Variants in ADGRL3 observed in about 807,000 individuals in gnomAD.
The protein encoded by ADGRL3 is calcium-independent alpha-latrotoxin receptor 3.
A neutral mutation model predicts 153.5 loss-of-function variants in ADGRL3; 62 were observed. The observed-to-expected ratio is 0.40, with a 90% confidence interval of 0.33 to 0.50. The LOEUF is 0.50. Ranked by LOEUF, ADGRL3 falls within the 20% of genes least tolerant of loss-of-function variation. The probability of loss-of-function intolerance (pLI) is 0.47; values close to 1 mark genes in which losing one functional copy is unlikely to be tolerated. For missense variants in ADGRL3, 1,641 were observed against 1,859.4 expected (o/e 0.88, Z 2.16); for synonymous variants, 710 against 672.5 (o/e 1.06, Z -0.86).
intron 4 of ADGRL3, among the ~76,000 whole-genome samples, chr4:61,565,018 A>G (rs1414210326): frequency 6.6e-6 from 1 of 152,230 alleles, no homozygotes; most frequent in Non-Finnish European, 1.5e-5. Flanking sequence ...AGATGTGATA[A>G]TAATGAAAAA....
intron 1 of ADGRL3, among the ~76,000 whole-genome samples, chr4:61,353,788 T>C (rs1259845200): frequency 7.7e-6 from 1 of 130,038 alleles, no homozygotes; most frequent in African/African-American, 2.9e-5. Context: ...CACCCCGAAA[T>C]AGATGAACCA....
At chr4:61,499,999 CACACACACACACACAT>C (rs1265249526) in intron 3 of ADGRL3, among the ~76,000 whole-genome samples, 3 of 139,256 alleles carry the variant, frequency 2.2e-5, no homozygotes, top group African/African-American at 5.4e-5. Context: ...CACACACACA[CACACACACACACACAT>C]ACACACACAG....
chr4:61,568,185 C>T (rs1194529190), intron 4 of ADGRL3, among the ~76,000 whole-genome samples: 3 of 152,068 alleles, frequency 2.0e-5, no homozygotes, highest in African/African-American at 7.2e-5. Flanking sequence ...TATCTCCTTT[C>T]ATTTTTAATC....
intron 1 of ADGRL3, among the ~76,000 whole-genome samples, chr4:61,340,359 T>C (rs1260805468): frequency 6.6e-6 from 1 of 152,142 alleles, no homozygotes; most frequent in Non-Finnish European, 1.5e-5. Flanking sequence ...TTCTCTATTA[T>C]AGCAATTCAA....
chr4:61,760,950 G>T (rs942151193), intron 8 of ADGRL3, among the ~76,000 whole-genome samples: 2 of 152,214 alleles, frequency 1.3e-5, no homozygotes, highest in African/African-American at 4.8e-5. Context: ...GGACGACTTG[G>T]TGGGGGGAAG....
chr4:61,409,962 G>A (rs999984611), intron 2 of ADGRL3, among the ~76,000 whole-genome samples: 1 of 151,944 alleles, frequency 6.6e-6, no homozygotes, highest in South Asian at 2.1e-4. Flanking sequence ...ATATGTGGAT[G>A]CGTATACTAG....
At chr4:61,364,325 C>T (rs2096352072) in intron 1 of ADGRL3, among the ~76,000 whole-genome samples, 1 of 89,744 alleles carries the variant, frequency 1.1e-5, no homozygotes, top group South Asian at 3.8e-4. Flanking sequence ...GAGTGAGACT[C>T]CGTCTCAAAA....
intron 1 of ADGRL3, among the ~76,000 whole-genome samples, chr4:61,368,515 G>T (rs1159605086): frequency 6.6e-6 from 1 of 151,932 alleles, no homozygotes; most frequent in Non-Finnish European, 1.5e-5. Context: ...TTTTTCTCAG[G>T]TTTGTCAAAG....
rs78280646 is a variant in ADGRL3, at chr4:61,521,735, T to C, written c.259+4217T>C. ...GTATCTGGCTTGAGAGATTGCATTATAAATGAGTGTACCATTTACTGAGAT... is the reference window on the plus strand; with the variant it reads ...GTATCTGGCTTGAGAGATTGCATTACAAATGAGTGTACCATTTACTGAGAT... On this transcript the variant is annotated intron_variant, in intron 4 of 26. Transcript: ENST00000683033. Among the ~76,000 whole-genome samples, 675 of 152,170 alleles carry C rather than the reference T, an allele frequency of 4.4e-3. 7 individuals are homozygous for C. The highest frequency in any genetic ancestry group is 0.015 in the African/African-American group (643 of 41,516).
intron 2 of ADGRL3, among the ~76,000 whole-genome samples, chr4:61,460,206 T>G (rs182172587): frequency 2.6e-5 from 4 of 152,276 alleles, no homozygotes; most frequent in Admixed American, 6.5e-5. Flanking sequence ...TTTTATAGTT[T>G]TGGATCTTAC....
intron 5 of ADGRL3, among the ~76,000 whole-genome samples, chr4:61,659,657 G>T (rs1478697089): frequency 1.3e-5 from 2 of 152,134 alleles, no homozygotes; most frequent in Non-Finnish European, 2.9e-5. Flanking sequence ...AGAGAAGTTA[G>T]TTCTTTTCCC....
chr4:61,243,204 A>G (rs1487448077), intron 1 of ADGRL3, among the ~76,000 whole-genome samples: 1 of 152,056 alleles, frequency 6.6e-6, no homozygotes, highest in Non-Finnish European at 1.5e-5. Flanking sequence ...TGGGAAGTAA[A>G]CAAAACCATC....
At chr4:61,747,476 A>G (rs62306767) in intron 8 of ADGRL3, among the ~76,000 whole-genome samples, 83,059 of 145,814 alleles carry the variant, frequency 0.57, 26,084 homozygotes, top group African/African-American at 0.82. Flanking sequence ...CTGGCAAACC[A>G]AATCCAGCGG....
chr4:61,457,976 A>T (rs2097772578), intron 2 of ADGRL3, among the ~76,000 whole-genome samples: 2 of 151,774 alleles, frequency 1.3e-5, no homozygotes, highest in Admixed American at 1.3e-4. Flanking sequence ...GTTTCTTCGA[A>T]ATCTATAATT....
At chr4:61,302,467 AGT>A (rs1012071068) in intron 1 of ADGRL3, among the ~76,000 whole-genome samples, 8 of 152,086 alleles carry the variant, frequency 5.3e-5, no homozygotes, top group Non-Finnish European at 1.0e-4. Context: ...AAAGTTGAAC[AGT>A]GTGTGGAACT....
intron 2 of ADGRL3, among the ~76,000 whole-genome samples, chr4:61,445,403 C>T (rs1481950132): frequency 6.6e-6 from 1 of 152,172 alleles, no homozygotes; most frequent in Non-Finnish European, 1.5e-5. Flanking sequence ...TGGAATTAGA[C>T]AAAATACATA....
intron 9 of ADGRL3, among the ~76,000 whole-genome samples, chr4:61,873,531 TG>T (rs1484736334): frequency 1.3e-5 from 2 of 152,152 alleles, no homozygotes. Context: ...CACTAGAAAT[TG>T]AAAAAAGCAT....
chr4:61,366,022 A>G (rs1293583753), intron 1 of ADGRL3, among the ~76,000 whole-genome samples: 1 of 152,162 alleles, frequency 6.6e-6, no homozygotes, highest in African/African-American at 2.4e-5. Context: ...TTTACAACTT[A>G]CCTATAATTT....
intron 6 of ADGRL3, among the ~76,000 whole-genome samples, chr4:61,692,894 A>T (rs1226685200): frequency 6.6e-6 from 1 of 152,082 alleles, no homozygotes; most frequent in African/African-American, 2.4e-5. Flanking sequence ...CGTGTTCTTG[A>T]CCAGTCATGG....
Sources: gnomAD v4.1 joint callset for allele counts (sites outside exome capture counted in the v4.1 genomes callset) on GRCh38, gnomAD v4.1.1 for gene constraint, MANE v1.5 for transcripts, NCBI Gene and HGNC (gene_info 2026-07-23, HGNC 2026-07-21) for gene names.